Variants in ANKRA2 observed in about 807,000 individuals in gnomAD.
ANKRA2 encodes ankyrin repeat family A protein 2.
In ANKRA2, 33 loss-of-function variants were observed where a neutral mutation model predicts 37.8. That is an observed-to-expected ratio of 0.87 (90% CI 0.66 to 1.17). The LOEUF is 1.17. ANKRA2 is among the 50% of genes most tolerant of loss of function. The pLI is 0.00. For synonymous variants in ANKRA2, 126 were observed against 132.3 expected (o/e 0.95, Z 0.33); for missense variants, 326 against 373.7 (o/e 0.87, Z 1.05).
Position 73,552,472 on chromosome 5 carries a change from C to G in ANKRA2, c.*325G>C, listed in dbSNP as rs16876100. Reference sequence around the variant, plus strand: ...TATATAAAGTGAATGACTTAATACACGAGTGAAGATGACTAGGGTAGAATA... The same window carrying G: ...TATATAAAGTGAATGACTTAATACAGGAGTGAAGATGACTAGGGTAGAATA... On this transcript the variant is annotated 3_prime_UTR_variant, in exon 9 of 9. Transcript: ENST00000296785. 2 of 200,444 alleles carry G rather than the reference C, an allele frequency of 1.0e-5. No individual in the cohort carries two copies. The highest frequency in any genetic ancestry group is 9.9e-6 in the Non-Finnish European group (1 of 100,912). 12.4% of individuals were successfully genotyped at this position (200,444 alleles called of 1,614,324 possible).
At position 73,561,226 on chromosome 5, in the gene ANKRA2, A is replaced by T; in HGVS notation, c.352T>A (p.Ser118Thr). Residue 118 changes from serine to threonine, a missense_variant, in exon 3 of 9, where the codon TCT becomes ACT. Physicochemically the swap from Ser to Thr is moderately conservative, Grantham distance 58 (BLOSUM62 1). Around this residue, in one of 3 missense-constraint regions of ANKRA2, gnomAD observed 228 missense variants for 260.2 expected, o/e 0.88. Transcript: ENST00000296785. ...ATGGGTGAGAAATGCTTTGTTGTAG[A>T]GGGGGTGTAGACATGCCTTACTTGA... Reference protein sequence around the residue: ...GIQVRHVYTPSTTKHFSPIKQ... With the variant: ...GIQVRHVYTPTTTKHFSPIKQ... 3.1e-6 allele frequency: 5 copies of T among 1,613,320 alleles called. No homozygotes were observed. The highest frequency in any genetic ancestry group is 4.2e-6 in the Non-Finnish European group (5 of 1,179,330).
At chr5:73,557,356 G>A (rs531127423) in intron 4 of ANKRA2, 129 of 317,658 alleles carry the variant, frequency 4.1e-4, no homozygotes, top group African/African-American at 2.4e-3. Context: ...AACTTATAAC[G>A]TTTGCTTTTG....
chr5:73,561,583 T>C (rs1747555149), intron 2 of ANKRA2, among the ~76,000 whole-genome samples: 1 of 151,938 alleles, frequency 6.6e-6, no homozygotes. Context: ...CTGGCCAACA[T>C]GGTGAAACCC....
At chr5:73,555,254 A>G (rs1747368154) in intron 5 of ANKRA2, 1 of 1,226,862 alleles carries the variant, frequency 8.2e-7, no homozygotes, top group East Asian at 2.6e-5. Flanking sequence ...AGCTGACAGT[A>G]CTTCTGTTCC....
intron 6 of ANKRA2, 104 bp from the exon 7 acceptor site, chr5:73,554,492 A>C (rs1747345343): frequency 1.3e-6 from 1 of 755,316 alleles, no homozygotes; most frequent in African/African-American, 1.8e-5. Flanking sequence ...ATAATCATTT[A>C]AAGTAATTTT....
At chr5:73,558,729 G>A (rs1747466814) in intron 3 of ANKRA2, among the ~76,000 whole-genome samples, 1 of 152,084 alleles carries the variant, frequency 6.6e-6, no homozygotes, top group Non-Finnish European at 1.5e-5. Context: ...TAGAGACAGG[G>A]TTTTGCCATG....
intron 3 of ANKRA2, among the ~76,000 whole-genome samples, chr5:73,559,952 TG>T (rs2112018262): frequency 6.6e-6 from 1 of 152,136 alleles, no homozygotes; most frequent in African/African-American, 2.4e-5. Context: ...TTGGTAGAGA[TG>T]GGATCTTGTT....
At chr5:73,564,035 C>G (rs1747634621) in intron 1 of ANKRA2, among the ~76,000 whole-genome samples, 1 of 151,298 alleles carries the variant, frequency 6.6e-6, no homozygotes, top group Admixed American at 6.6e-5. Flanking sequence ...TCACTCTGAC[C>G]ATTAAAATGA....
intron 1 of ANKRA2, among the ~76,000 whole-genome samples, chr5:73,563,990 G>A (rs1747632573): frequency 6.6e-6 from 1 of 151,990 alleles, no homozygotes; most frequent in African/African-American, 2.4e-5. Flanking sequence ...GGAAGCTCAT[G>A]AATTATGAGG....
At chr5:73,554,505 T>C (rs1747345606) in intron 6 of ANKRA2, 117 bp from the exon 7 acceptor site, 1 of 711,868 alleles carries the variant, frequency 1.4e-6, no homozygotes, top group African/African-American at 1.8e-5. Context: ...GTAATTTTAA[T>C]ATTTTGTGAA....
chr5:73,553,490 T>C lies in ANKRA2; in HGVS notation c.806-4A>G. On this transcript the variant is annotated splice_region_variant and splice_polypyrimidine_tract_variant and intron_variant, in intron 7 of 8. Coordinates refer to ENST00000296785, the MANE Select transcript of ANKRA2 (RefSeq NM_023039.5). Reference sequence around the variant, plus strand: ...ATTGTTGGATCAGCCCCACTTTCTATACCAAAATAGAAAAACTACATAAAT... The same window carrying C: ...ATTGTTGGATCAGCCCCACTTTCTACACCAAAATAGAAAAACTACATAAAT... 3 of 1,607,560 alleles carry C rather than the reference T, an allele frequency of 1.9e-6. No homozygotes were observed. Among genetic ancestry groups the C allele is most frequent in the Admixed American group, 1.7e-5 (1 of 59,986 alleles).
intron 5 of ANKRA2, 197 bp from the exon 6 acceptor site, chr5:73,555,183 C>G: frequency 7.2e-7 from 1 of 1,397,730 alleles, no homozygotes; most frequent in Non-Finnish European, 9.3e-7. Context: ...CTGTATCAAT[C>G]CTAATTATCC....
chr5:73,562,579 C>A lies in ANKRA2; in HGVS notation c.289+14G>T. 1 of 1,586,744 alleles carries A rather than the reference C, an allele frequency of 6.3e-7. No individual in the cohort carries two copies. The highest frequency in any genetic ancestry group is 8.6e-7 in the Non-Finnish European group (1 of 1,166,596). On this transcript the variant is annotated intron_variant, in intron 2 of 8. Transcript: ENST00000296785. ...ACAAAAACAAATGCAGATATTTATACCATAACTTTCAACCTTTAAATAGGA... is the reference window on the plus strand; with the variant it reads ...ACAAAAACAAATGCAGATATTTATAACATAACTTTCAACCTTTAAATAGGA...
At chr5:73,561,507 T>A in intron 2 of ANKRA2, 1 of 450,584 alleles carries the variant, frequency 2.2e-6, no homozygotes, top group South Asian at 2.5e-5. Context: ...TGCTCACGCC[T>A]GTAACCCCAG....
chr5:73,565,560 T>G lies in ANKRA2; in HGVS notation c.-533A>C, dbSNP rs1747712716. ...ATTTTTGTTTTTGCCGCCTTTACGCTCCGAGGCCCATCCTGCCGGAGTACT... is the reference window on the plus strand; with the variant it reads ...ATTTTTGTTTTTGCCGCCTTTACGCGCCGAGGCCCATCCTGCCGGAGTACT... On this transcript the variant is annotated 5_prime_UTR_variant, in exon 1 of 9. Transcript: ENST00000296785. 4.3e-6 allele frequency: 1 copy of G among 231,110 alleles called. No homozygotes were observed. Among genetic ancestry groups the G allele is most frequent in the Non-Finnish European group, 9.0e-6 (1 of 110,970 alleles). The allele number at this position is 231,110 out of a possible 1,614,324, so 14.3% of individuals were successfully genotyped here. A position where few individuals can be genotyped will look rare whatever the true frequency, so the allele number is the denominator to read the frequency against.
rs1158876203 is a variant in ANKRA2, at chr5:73,556,993, C to CAT, written c.514+580_514+581dup. On this transcript the variant is annotated intron_variant, in intron 4 of 8. Transcript: ENST00000296785. Reference sequence around the variant, plus strand: ...ATATATTTACATATATAAAAAAATACATATATATATATATACACCCTTTGA... The same window carrying CAT: ...ATATATTTACATATATAAAAAAATACATATATATATATATATACACCCTTTGA... Among the ~76,000 whole-genome samples, 422 of 146,510 alleles carry CAT rather than the reference C, an allele frequency of 2.9e-3. 2 individuals are homozygous for CAT. Among genetic ancestry groups the CAT allele is most frequent in the African/African-American group, 4.8e-3 (194 of 40,324 alleles).
chr5:73,553,584 T>C, intron 7 of ANKRA2, 98 bp from the exon 8 acceptor site: 1 of 1,040,596 alleles, frequency 9.6e-7, no homozygotes, highest in Admixed American at 2.0e-5. Flanking sequence ...ATTTTTCAGT[T>C]TGGAGAATGT....
chr5:73,557,229 G>A (rs1747421070), intron 4 of ANKRA2, among the ~76,000 whole-genome samples: 2 of 151,392 alleles, frequency 1.3e-5, no homozygotes, highest in African/African-American at 2.4e-5. Flanking sequence ...AGTGTAAAAC[G>A]GTGCAATGTA....
chr5:73,555,730 G>C (rs1406486610), intron 4 of ANKRA2, 145 bp from the exon 5 acceptor site: 2 of 699,686 alleles, frequency 2.9e-6, no homozygotes, highest in Non-Finnish European at 4.8e-6. Context: ...CCTATTTATT[G>C]CATGTTGTTG....
Sources: gnomAD v4.1 joint callset for allele counts (sites outside exome capture counted in the v4.1 genomes callset) on GRCh38, gnomAD v4.1.1 for gene constraint, gnomAD v4.1.1 regional missense constraint, MANE v1.5 for transcripts, NCBI Gene and HGNC (gene_info 2026-07-23, HGNC 2026-07-21) for gene names.